Variants in MCPH1 observed in about 807,000 individuals in gnomAD.
MCPH1 encodes microcephalin.
MCPH1 carries 104 observed loss-of-function variants against 84.5 expected under a neutral mutation model. The ratio of observed to expected loss-of-function variants is 1.23; its 90% CI spans 1.05 to 1.45. The LOEUF (loss-of-function observed/expected upper bound fraction) is 1.45, where lower values mean the gene tolerates loss of function less well. Ranked by LOEUF, MCPH1 falls within the 40% of genes most tolerant of loss-of-function variation. The pLI is 0.00. For synonymous variants in MCPH1, 514 were observed against 366.8 expected (o/e 1.40, Z -4.58); for missense variants, 1,498 against 1,005.7 (o/e 1.49, Z -6.62).
At chr8:6,516,672 A>T (rs1471417711) in intron 12 of MCPH1, among the ~76,000 whole-genome samples, 20 of 152,228 alleles carry the variant, frequency 1.3e-4, no homozygotes, top group Admixed American at 1.3e-3. Context: ...TTGAGGATTC[A>T]TGTACATATA....
intron 13 of MCPH1, chr8:6,625,315 G>C (rs1831952883): frequency 1.0e-6 from 1 of 985,468 alleles, no homozygotes; most frequent in East Asian, 1.1e-4. Context: ...GGCTTCTTAA[G>C]TGTGGCAGAT....
chr8:6,431,428 G>A, intron 3 of MCPH1, 71 bp from the exon 4 acceptor site: 2 of 1,121,680 alleles, frequency 1.8e-6, no homozygotes, highest in Non-Finnish European at 2.7e-6. Context: ...TAATACATGT[G>A]CAGATTTAGT....
At chr8:6,456,115 T>A (rs1041375951) in intron 9 of MCPH1, among the ~76,000 whole-genome samples, 4 of 152,150 alleles carry the variant, frequency 2.6e-5, no homozygotes, top group African/African-American at 9.7e-5. Flanking sequence ...CAGTAACTTG[T>A]AGAAACTTAG....
intron 12 of MCPH1, among the ~76,000 whole-genome samples, chr8:6,561,556 G>C (rs1430038184): frequency 6.6e-6 from 1 of 152,182 alleles, no homozygotes; most frequent in Non-Finnish European, 1.5e-5. Context: ...GCTTTTTCTA[G>C]GGTCATGCGT....
intron 3 of MCPH1, among the ~76,000 whole-genome samples, chr8:6,425,660 G>T (rs762173587): frequency 6.6e-6 from 1 of 152,226 alleles, no homozygotes; most frequent in Non-Finnish European, 1.5e-5. Context: ...TCAGGCACAC[G>T]TTTTCCTGGG....
intron 12 of MCPH1, among the ~76,000 whole-genome samples, chr8:6,506,342 A>T (rs1291729125): frequency 6.6e-6 from 1 of 152,106 alleles, no homozygotes; most frequent in African/African-American, 2.4e-5. Flanking sequence ...TTCACAGGCA[A>T]GACCACTCCA....
At chr8:6,544,919 T>G (rs1180049228) in intron 12 of MCPH1, among the ~76,000 whole-genome samples, 1 of 152,224 alleles carries the variant, frequency 6.6e-6, no homozygotes, top group Non-Finnish European at 1.5e-5. Context: ...TCTCACTAGT[T>G]TTGTTCTCAC....
intron 3 of MCPH1, among the ~76,000 whole-genome samples, chr8:6,419,360 G>A (rs1799822852): frequency 6.6e-6 from 1 of 151,404 alleles, no homozygotes; most frequent in African/African-American, 2.4e-5. Flanking sequence ...GGCTGGGACT[G>A]TAGGCATGTG....
chr8:6,523,684 G>C (rs1586348723), intron 12 of MCPH1, among the ~76,000 whole-genome samples: 1 of 152,264 alleles, frequency 6.6e-6, no homozygotes, highest in Admixed American at 6.5e-5. Context: ...CCGCCTCCCG[G>C]ATTCAAGCAG....
chr8:6,567,585 C>G (rs1206552078), intron 12 of MCPH1, among the ~76,000 whole-genome samples: 1 of 152,216 alleles, frequency 6.6e-6, no homozygotes, highest in Admixed American at 6.5e-5. Flanking sequence ...GATGGGCGCT[C>G]AGCTGTGGCC....
At chr8:6,586,602 C>G (rs1403752611) in intron 12 of MCPH1, among the ~76,000 whole-genome samples, 1 of 152,180 alleles carries the variant, frequency 6.6e-6, no homozygotes, top group Non-Finnish European at 1.5e-5. Flanking sequence ...GGGGGGAATT[C>G]TGCAAAGAGA....
Position 6,627,144 on chromosome 8 carries a change from G to A in MCPH1, c.2452+5453G>A, listed in dbSNP as rs532094000. The A allele has an allele frequency of 3.0e-5, 30 of 984,464 alleles. No homozygotes were observed. In the South Asian group the frequency reaches 1.2e-3, roughly 40 times the overall value. 61.0% of individuals were successfully genotyped at this position (984,464 alleles called of 1,614,324 possible). ...TCATTCATCGTTTCCCCTAATGACT[G>A]ACTGACCAGAAAAATGCACGACGCT... On this transcript the variant is annotated intron_variant, in intron 13 of 13. Coordinates refer to ENST00000344683, the MANE Select transcript of MCPH1 (RefSeq NM_024596.5).
intron 12 of MCPH1, among the ~76,000 whole-genome samples, chr8:6,573,850 T>C (rs1187814346): frequency 2.0e-5 from 3 of 152,172 alleles, no homozygotes; most frequent in African/African-American, 7.2e-5. Context: ...AGCTCACCCT[T>C]TTGGGTTTTA....
At chr8:6,411,348 A>G (rs565330650) in intron 2 of MCPH1, among the ~76,000 whole-genome samples, 4 of 152,224 alleles carry the variant, frequency 2.6e-5, no homozygotes, top group Admixed American at 6.5e-5. Context: ...ACTTGCAGCT[A>G]TATAGAAATA....
chr8:6,466,607 C>CT (rs1357765613), intron 9 of MCPH1, among the ~76,000 whole-genome samples: 11 of 151,856 alleles, frequency 7.2e-5, no homozygotes, highest in East Asian at 1.9e-4. Flanking sequence ...ACGCGCAGCC[C>CT]TTTTTTTGTG....
At chr8:6,476,287 G>A (rs1000651511) in intron 9 of MCPH1, among the ~76,000 whole-genome samples, 5 of 151,948 alleles carry the variant, frequency 3.3e-5, no homozygotes, top group Admixed American at 6.6e-5. Context: ...AAATTAGCTC[G>A]GTATGGTAGT....
In MCPH1 at chr8:6,474,408, C is replaced by G. The variant is rs975169296; in HGVS notation, c.1936-3186C>G. ...ACTCAGGGAGTCTGTGGGGTCAAAA[C>G]TAATTTCATAATACTACTAAGACTT... On this transcript the variant is annotated intron_variant, in intron 9 of 13. Coordinates refer to ENST00000344683, the MANE Select transcript of MCPH1 (RefSeq NM_024596.5). 2.3e-5 allele frequency: 6 copies of G among 266,202 alleles called. No individual in the cohort carries two copies. The East Asian group carries it at 4.4e-4, about 20-fold the overall frequency. The allele number at this position is 266,202 out of a possible 1,614,324, so 16.5% of individuals were successfully genotyped here.
intron 13 of MCPH1, among the ~76,000 whole-genome samples, chr8:6,632,633 C>T (rs911187041): frequency 5.9e-5 from 9 of 152,060 alleles, no homozygotes; most frequent in Non-Finnish European, 1.3e-4. Flanking sequence ...CACAGTGAAA[C>T]CCCATCTCTA....
At chr8:6,513,268 TTG>T (rs751372716) in intron 12 of MCPH1, among the ~76,000 whole-genome samples, 29 of 152,298 alleles carry the variant, frequency 1.9e-4, no homozygotes, top group Non-Finnish European at 3.2e-4. Context: ...GGTTAAATCA[TTG>T]TGTTTCTCAT....
Sources: gnomAD v4.1 joint callset for allele counts (sites outside exome capture counted in the v4.1 genomes callset) on GRCh38, gnomAD v4.1.1 for gene constraint, MANE v1.5 for transcripts, NCBI Gene and HGNC (gene_info 2026-07-23, HGNC 2026-07-21) for gene names.